Variants in TMEM117 observed in about 807,000 individuals in gnomAD.
TMEM117 encodes transmembrane protein 117.
In TMEM117, 27 loss-of-function variants were observed where a neutral mutation model predicts 52.4. The observed-to-expected ratio is 0.51, with a 90% CI of 0.38 to 0.71. The LOEUF (loss-of-function observed/expected upper bound fraction) is 0.71, where lower values mean the gene tolerates loss of function less well. Ranked by LOEUF, TMEM117 falls within the 30% of genes least tolerant of loss-of-function variation. TMEM117 has a pLI of 0.00. For synonymous variants in TMEM117, 215 were observed against 206.3 expected (o/e 1.04, Z -0.36); for missense variants, 556 against 630.5 (o/e 0.88, Z 1.26).
At chr12:44,131,550 C>T (rs1948414168) in intron 3 of TMEM117, among the ~76,000 whole-genome samples, 1 of 151,986 alleles carries the variant, frequency 6.6e-6, no homozygotes, top group Middle Eastern at 3.2e-3. Context: ...TAGTTTTTGT[C>T]TGCTTGTTCC....
the TMEM117 span, among the ~76,000 whole-genome samples, chr12:44,397,515 C>A: frequency 6.6e-6 from 1 of 152,164 alleles, no homozygotes; most frequent in Admixed American, 6.5e-5. Flanking sequence ...AAAGCCACAA[C>A]TGGAAAATAA....
At chr12:44,200,229 G>A (rs1949477057) in intron 4 of TMEM117, among the ~76,000 whole-genome samples, 1 of 152,098 alleles carries the variant, frequency 6.6e-6, no homozygotes, top group South Asian at 2.1e-4. Flanking sequence ...ATAAAGATAG[G>A]TAGTCAGATA....
the TMEM117 span, among the ~76,000 whole-genome samples, chr12:43,823,815 T>TA: frequency 3.1e-4 from 46 of 146,226 alleles, no homozygotes; most frequent in East Asian, 1.8e-3. Context: ...GAGTGTAATT[T>TA]AAAAAAAAAA....
chr12:43,944,246 A>C lies in TMEM117; in HGVS notation c.314A>C (p.His105Pro). Residue 105 changes from histidine to proline, a missense_variant, in exon 3 of 8, where the codon CAT (histidine) becomes CCT (proline). This residue lies in a region of TMEM117 where 328 missense variants were observed against 371.4 expected (regional missense o/e 0.88). Transcript: ENST00000266534. Reference protein sequence around the residue: ...LLRLKMFREDHGSWMTMFFST... With the variant: ...LLRLKMFREDPGSWMTMFFST... ...CGATTAAAAATGTTTCGAGAAGATCATGGGTCGTGGATGACAATGTTCTTC... is the reference window on the plus strand; with the variant it reads ...CGATTAAAAATGTTTCGAGAAGATCCTGGGTCGTGGATGACAATGTTCTTC... The C allele has an allele frequency of 6.2e-7, 1 of 1,613,478 alleles. No individual in the cohort carries two copies.
chr12:44,208,509 C>T (rs1949600369), intron 4 of TMEM117, among the ~76,000 whole-genome samples: 1 of 152,124 alleles, frequency 6.6e-6, no homozygotes, highest in Non-Finnish European at 1.5e-5. Flanking sequence ...TCTTTTCCCA[C>T]AAAGACTGTC....
At chr12:43,831,282 T>C (rs1353198032), upstream of TMEM117, among the ~76,000 whole-genome samples, 1 of 152,182 alleles carries the variant, frequency 6.6e-6, no homozygotes, top group Non-Finnish European at 1.5e-5. Flanking sequence ...TCAGAGTCCA[T>C]CTAATCACTG....
chr12:43,970,217 T>C (rs1227308868), intron 3 of TMEM117, among the ~76,000 whole-genome samples: 2 of 152,178 alleles, frequency 1.3e-5, no homozygotes, highest in Admixed American at 6.5e-5. Flanking sequence ...TTTTACTTCA[T>C]AATGACCTCA....
chr12:43,848,588 A>C (rs1943252413), intron 2 of TMEM117, among the ~76,000 whole-genome samples: 1 of 152,134 alleles, frequency 6.6e-6, no homozygotes, highest in Non-Finnish European at 1.5e-5. Context: ...CTTGTTCCAT[A>C]AAAATCACTA....
At chr12:44,110,049 A>C (rs1183263) in intron 3 of TMEM117, among the ~76,000 whole-genome samples, 2 of 72,762 alleles carry the variant, frequency 2.7e-5, no homozygotes, top group Non-Finnish European at 4.9e-5. Context: ...ATTTTTGTAC[A>C]TTGATTTTGT....
At chr12:44,270,844 G>A (rs986486322) in intron 5 of TMEM117, among the ~76,000 whole-genome samples, 7 of 151,548 alleles carry the variant, frequency 4.6e-5, no homozygotes, top group Admixed American at 4.0e-4. Flanking sequence ...GGATTTTCTC[G>A]GATGCTTTTT....
At chr12:44,130,814 C>A (rs1948402089) in intron 3 of TMEM117, among the ~76,000 whole-genome samples, 1 of 151,588 alleles carries the variant, frequency 6.6e-6, no homozygotes, top group African/African-American at 2.4e-5. Context: ...GTTTGCATAT[C>A]ATTTAAAAAA....
chr12:44,160,712 GGATC>G, intron 4 of TMEM117, among the ~76,000 whole-genome samples: 1 of 152,264 alleles, frequency 6.6e-6, no homozygotes, highest in Admixed American at 6.5e-5. Flanking sequence ...TGAGGTGAGA[GGATC>G]GCTTGTGCCT....
chr12:44,234,691 G>A (rs1311236610), intron 5 of TMEM117, among the ~76,000 whole-genome samples: 1 of 150,718 alleles, frequency 6.6e-6, no homozygotes, highest in African/African-American at 2.4e-5. Context: ...TACTTCACAG[G>A]CATACTTTCT....
intron 6 of TMEM117, among the ~76,000 whole-genome samples, chr12:44,368,942 T>C (rs1399049497): frequency 6.6e-6 from 1 of 152,162 alleles, no homozygotes; most frequent in Non-Finnish European, 1.5e-5. Flanking sequence ...TGATAACTGA[T>C]GAAGATGATC....
chr12:44,202,152 A>G (rs1033669660), intron 4 of TMEM117, among the ~76,000 whole-genome samples: 4 of 152,122 alleles, frequency 2.6e-5, no homozygotes, highest in Non-Finnish European at 5.9e-5. Context: ...GGAAGCAGAA[A>G]TAAAATTTTG....
chr12:43,863,211 A>C (rs1943520515), intron 2 of TMEM117, among the ~76,000 whole-genome samples: 1 of 152,116 alleles, frequency 6.6e-6, no homozygotes. Flanking sequence ...GTGCCACTGC[A>C]CTCCAGCCTG....
intron 3 of TMEM117, among the ~76,000 whole-genome samples, chr12:44,022,270 A>G (rs1946466768): frequency 1.3e-5 from 2 of 152,168 alleles, no homozygotes; most frequent in South Asian, 2.1e-4. Flanking sequence ...GATACTACCT[A>G]TAATTATTTT....
intron 4 of TMEM117, among the ~76,000 whole-genome samples, chr12:44,148,485 T>C (rs1212891150): frequency 3.9e-5 from 6 of 152,248 alleles, no homozygotes; most frequent in African/African-American, 1.4e-4. Flanking sequence ...GAAATATATT[T>C]TACCTTTCTA....
At chr12:43,978,670 G>A (rs951408290) in intron 3 of TMEM117, among the ~76,000 whole-genome samples, 2 of 152,142 alleles carry the variant, frequency 1.3e-5, no homozygotes, top group Non-Finnish European at 2.9e-5. Flanking sequence ...TAATCAGAGA[G>A]TGTTATCTGA....
Sources: gnomAD v4.1 joint callset for allele counts (sites outside exome capture counted in the v4.1 genomes callset) on GRCh38, gnomAD v4.1.1 for gene constraint, gnomAD v4.1.1 regional missense constraint, MANE v1.5 for transcripts, NCBI Gene and HGNC (gene_info 2026-07-23, HGNC 2026-07-21) for gene names.